SEMA4F: variants seen among roughly 807,000 people sequenced by gnomAD.
The protein encoded by SEMA4F is semaphorin-4F.
A neutral mutation model predicts 78.4 loss-of-function variants in SEMA4F; 51 were observed. The observed-to-expected ratio is 0.65, with a 90% CI of 0.52 to 0.82. The LOEUF (loss-of-function observed/expected upper bound fraction) is 0.82, where lower values mean the gene tolerates loss of function less well. SEMA4F is among the 40% of genes least tolerant of loss of function. SEMA4F has a pLI of 0.00. For synonymous variants in SEMA4F, 418 were observed against 408.7 expected, an observed-to-expected ratio of 1.02 and a Z score of -0.27; for missense variants, 938 against 1,014.4, an observed-to-expected ratio of 0.92 and a Z score of 1.02.
At chr2:74,665,964 G>A (rs1172823606) in intron 5 of SEMA4F, among the ~76,000 whole-genome samples, 1 of 150,812 alleles carries the variant, frequency 6.6e-6, no homozygotes, top group Non-Finnish European at 1.5e-5. Context: ...CTGGAATGCA[G>A]TGGCGCCATC....
Position 74,674,875 on chromosome 2 carries a change from C to A in SEMA4F, c.1002-13C>A. 6.2e-7 allele frequency: 1 copy of A among 1,613,546 alleles called. No homozygotes were observed. Among genetic ancestry groups the A allele is most frequent in the African/African-American group, 1.3e-5 (1 of 74,932 alleles). ...ACCCCTCCATATATCCAGCTCCAAC[C>A]TGTGAATTCCAGGGAGGGGGCTACT... On this transcript the variant is annotated splice_polypyrimidine_tract_variant and intron_variant, in intron 8 of 13. Transcript: ENST00000357877.
chr2:74,705,563 T>C, the SEMA4F span, among the ~76,000 whole-genome samples: 1 of 152,222 alleles, frequency 6.6e-6, no homozygotes, highest in Non-Finnish European at 1.5e-5. Flanking sequence ...TTACAATGAG[T>C]ATTTAAAAAC....
chr2:74,678,895 GA>G (rs759741939), intron 12 of SEMA4F, among the ~76,000 whole-genome samples: 2 of 151,094 alleles, frequency 1.3e-5, no homozygotes, highest in Admixed American at 6.6e-5. Flanking sequence ...TTAAATAAGA[GA>G]AAAAAAAATC....
At chr2:74,669,567 G>A (rs748890565) in intron 5 of SEMA4F, among the ~76,000 whole-genome samples, 4 of 151,698 alleles carry the variant, frequency 2.6e-5, no homozygotes, top group Admixed American at 1.3e-4. Flanking sequence ...CCTGGGCAAC[G>A]GAGCTAGACT....
the SEMA4F span, among the ~76,000 whole-genome samples, chr2:74,707,820 A>T: frequency 6.6e-6 from 1 of 152,156 alleles, no homozygotes; most frequent in East Asian, 1.9e-4. Context: ...TGGGGAGACC[A>T]AAGCAACTAG....
At position 74,675,646 on chromosome 2, in the gene SEMA4F, A is replaced by G; in HGVS notation, c.1482+12A>G. The stretch of plus-strand genomic sequence containing the variant: ...TGAAATTGTACCACGTGAGTTGTAG[A>G]TTTTGGAGAGTCTATTGGGGAGACA... On this transcript the variant is annotated intron_variant, in intron 11 of 13. Transcript: ENST00000357877. 1.2e-6 allele frequency: 2 copies of G among 1,613,692 alleles called. No individual in the cohort carries two copies. The highest frequency in any genetic ancestry group is 1.7e-6 in the Non-Finnish European group (2 of 1,179,628).
chr2:74,655,163 T>G (rs1477499937), intron 1 of SEMA4F: 2 of 250,902 alleles, frequency 8.0e-6, no homozygotes, highest in Non-Finnish European at 1.8e-5. Flanking sequence ...TTAACTCTCT[T>G]AACTTCCTCA....
At chr2:74,671,650 C>G (rs989809269) in intron 5 of SEMA4F, among the ~76,000 whole-genome samples, 3 of 152,232 alleles carry the variant, frequency 2.0e-5, no homozygotes, top group African/African-American at 7.2e-5. Context: ...GACTCTGGCC[C>G]TGTTCCCAGG....
intron 5 of SEMA4F, among the ~76,000 whole-genome samples, chr2:74,663,205 G>A (rs534082732): frequency 1.1e-4 from 17 of 152,294 alleles, no homozygotes; most frequent in Admixed American, 4.6e-4. Context: ...CTTTCCAAAA[G>A]AACTTTATGT....
In SEMA4F at chr2:74,656,623, G is replaced by A. The variant is rs139676653; in HGVS notation, c.235G>A (p.Val79Ile). ...LVDPASHTLY[V>I]GARDTIFALS... ...GGATCCTGCCTCCCACACACTTTATGTTGGCGCCCGGGACACCATCTTCGC... is the reference window on the plus strand; with the variant it reads ...GGATCCTGCCTCCCACACACTTTATATTGGCGCCCGGGACACCATCTTCGC... Residue 79 changes from valine to isoleucine, a missense_variant, in exon 2 of 14, where the codon GTT becomes ATT. Physicochemically the swap from Val to Ile is conservative, Grantham distance 29. Coordinates refer to ENST00000357877, the MANE Select transcript of SEMA4F (RefSeq NM_004263.5). The A allele has an allele frequency of 7.2e-3, 11,619 of 1,614,128 alleles. 59 individuals are homozygous for A. The highest frequency in any genetic ancestry group is 8.4e-3 in the Non-Finnish European group (9,964 of 1,180,006).
downstream of SEMA4F, among the ~76,000 whole-genome samples, chr2:74,687,455 C>T (rs1386452702): frequency 6.6e-6 from 1 of 152,212 alleles, no homozygotes; most frequent in African/African-American, 2.4e-5. Context: ...TTGCAAACTC[C>T]ATGAAAGCCT....
At chr2:74,702,788 T>C in the SEMA4F span, among the ~76,000 whole-genome samples, 1 of 152,190 alleles carries the variant, frequency 6.6e-6, no homozygotes, top group Admixed American at 6.5e-5. Context: ...AGTTAACTAC[T>C]GGTAGTAATG....
chr2:74,657,530 G>C lies in SEMA4F; in HGVS notation c.298-35G>C, dbSNP rs1684217218. 4 of 1,602,386 alleles carry C rather than the reference G, an allele frequency of 2.5e-6. No individual in the cohort carries two copies. In the East Asian group the frequency reaches 8.9e-5, roughly 36 times the overall value. On this transcript the variant is annotated intron_variant, in intron 2 of 13. Coordinates refer to ENST00000357877, the MANE Select transcript of SEMA4F (RefSeq NM_004263.5). The stretch of plus-strand genomic sequence containing the variant: ...ACATCGAGGGAGTTTGATGTTAGGG[G>C]AATCTGGGTGAAATGATCACTTCTC...
At chr2:74,686,345 C>T (rs1400889161), downstream of SEMA4F, among the ~76,000 whole-genome samples, 4 of 152,146 alleles carry the variant, frequency 2.6e-5, no homozygotes, top group Admixed American at 6.5e-5. Context: ...GTGATCTGCC[C>T]GCCTCGGCCT....
chr2:74,701,290 A>G, the SEMA4F span, among the ~76,000 whole-genome samples: 1 of 152,096 alleles, frequency 6.6e-6, no homozygotes, highest in African/African-American at 2.4e-5. Flanking sequence ...TTCCTTACCC[A>G]GCCTGGGACC....
At chr2:74,689,939 A>G in the SEMA4F span, among the ~76,000 whole-genome samples, 3 of 152,250 alleles carry the variant, frequency 2.0e-5, no homozygotes, top group Non-Finnish European at 4.4e-5. Context: ...AATAGGAATG[A>G]CTGGTGCTTC....
intron 5 of SEMA4F, among the ~76,000 whole-genome samples, chr2:74,671,335 C>T (rs1684976410): frequency 6.6e-6 from 1 of 152,208 alleles, no homozygotes; most frequent in Non-Finnish European, 1.5e-5. Context: ...TTTCTGGTGC[C>T]TGAGACACGC....
At position 74,679,623 on chromosome 2, in the gene SEMA4F, C is replaced by T. The variant is rs754208568; in HGVS notation, c.1727C>T (p.Pro576Leu). 1 of 1,605,370 alleles carries T rather than the reference C, an allele frequency of 6.2e-7. No individual in the cohort carries two copies. The highest frequency in any genetic ancestry group is 8.5e-7 in the Non-Finnish European group (1 of 1,174,684). The change falls in exon 14 of 14, where the codon CCC (proline) becomes CTC (leucine). Residue 576 changes from proline (P) to leucine (L), a missense_variant. Pro to Leu is a moderately conservative substitution (Grantham distance 98). Transcript: ENST00000357877. Reference sequence around the variant, plus strand: ...GAACGTCCAGTAGTGTTTGAAGTTCCCGTGGCTACAGCTGCGCATGTGGTC... The same window carrying T: ...GAACGTCCAGTAGTGTTTGAAGTTCTCGTGGCTACAGCTGCGCATGTGGTC... ...PGERPVVFEV[P>L]VATAAHVVLP... is the part of the protein sequence containing the mutation.
At chr2:74,684,673 A>G (rs1167912914), downstream of SEMA4F, among the ~76,000 whole-genome samples, 1 of 152,186 alleles carries the variant, frequency 6.6e-6, no homozygotes, top group East Asian at 1.9e-4. Context: ...TGCCTAAAGT[A>G]TGGCCACAGG....
Sources: gnomAD v4.1 joint callset for allele counts (sites outside exome capture counted in the v4.1 genomes callset) on GRCh38, gnomAD v4.1.1 for gene constraint, MANE v1.5 for transcripts, NCBI Gene and HGNC (gene_info 2026-07-23, HGNC 2026-07-21) for gene names.